Variants in HHAT observed in about 807,000 individuals in gnomAD.
HHAT encodes protein-cysteine N-palmitoyltransferase HHAT.
Under a neutral mutation model 70.8 loss-of-function variants are expected in HHAT, and 47 were observed. The ratio of observed to expected loss-of-function variants is 0.66; its 90% CI spans 0.53 to 0.85. The LOEUF (loss-of-function observed/expected upper bound fraction) is 0.85, where lower values mean the gene tolerates loss of function less well. Ranked by LOEUF, HHAT falls within the 40% of genes least tolerant of loss-of-function variation. HHAT has a pLI of 0.00. For missense variants in HHAT, 609 were observed against 604.8 expected, an observed-to-expected ratio of 1.01 and a Z score of -0.07; for synonymous variants, 228 against 247.6, an observed-to-expected ratio of 0.92 and a Z score of 0.74.
rs527618994 is a variant in HHAT, at chr1:210,644,887, C to T, written c.1390+21217C>T. Among the ~76,000 whole-genome samples the T allele has an allele frequency of 9.9e-4, 151 of 152,096 alleles. 7 individuals carry two copies. The South Asian group carries it at 0.031, about 31-fold the overall frequency. ...ACCTGCAGTAGGTGATGTGGGTCTG[C>T]CTGACAGCCTTTGCCGCTGGTAAGG... On this transcript the variant is annotated intron_variant, in intron 11 of 11. Coordinates refer to ENST00000261458, the MANE Select transcript of HHAT (RefSeq NM_018194.6).
intron 7 of HHAT, among the ~76,000 whole-genome samples, chr1:210,460,873 G>T (rs925486583): frequency 6.6e-6 from 1 of 152,118 alleles, no homozygotes; most frequent in African/African-American, 2.4e-5. Context: ...TTTCTCATAG[G>T]ACATAACTGG....
At position 210,373,910 on chromosome 1, in the gene HHAT, A is replaced by G. The variant is rs539086102; in HGVS notation, c.159+10991A>G. The stretch of plus-strand genomic sequence containing the variant: ...GCCATCACTTAAGGGGGAGTCTCCA[A>G]ATTGTCTAAGCCAGTCTGTGTCTCC... On this transcript the variant is annotated intron_variant, in intron 3 of 11. Coordinates refer to ENST00000261458, the MANE Select transcript of HHAT (RefSeq NM_018194.6). Among the ~76,000 whole-genome samples, 49 of 152,334 alleles carry G rather than the reference A, an allele frequency of 3.2e-4. 1 individual carries two copies. In the South Asian group the frequency reaches 8.3e-3, roughly 26 times the overall value.
At position 210,623,749 on chromosome 1, in the gene HHAT, G is replaced by C. The variant is rs1669329925; in HGVS notation, c.1390+79G>C. 2.1e-6 allele frequency: 3 copies of C among 1,402,132 alleles called. No individual in the cohort carries two copies. In the South Asian group the frequency reaches 3.9e-5, roughly 18 times the overall value. The allele number at this position is 1,402,132 out of a possible 1,614,324, so 86.9% of individuals were successfully genotyped here. On this transcript the variant is annotated intron_variant, in intron 11 of 11. Transcript: ENST00000261458. Reference sequence around the variant, plus strand: ...GGATGGGATCATACATGGGATGGATGGGATTTGGGGGAAGTCATTCATTGT... The same window carrying C: ...GGATGGGATCATACATGGGATGGATCGGATTTGGGGGAAGTCATTCATTGT...
intron 9 of HHAT, among the ~76,000 whole-genome samples, chr1:210,574,482 G>A (rs1369323941): frequency 2.0e-5 from 3 of 152,266 alleles, no homozygotes; most frequent in Non-Finnish European, 4.4e-5. Context: ...TCCACTGCAA[G>A]TGGGACCCCC....
rs530602890 is a variant in HHAT, at chr1:210,532,434, A to G, written c.1043+19246A>G. Among the ~76,000 whole-genome samples the G allele has an allele frequency of 1.6e-4, 24 of 152,196 alleles. No homozygotes were observed. The South Asian group carries it at 3.1e-3, about 20-fold the overall frequency. ...CCAAGATTCCAGTCCTGGCTTTTCC[A>G]TTTATTTCATGGCCTTAGGAAAGTC... On this transcript the variant is annotated intron_variant, in intron 9 of 11. Transcript: ENST00000261458.
intron 11 of HHAT, among the ~76,000 whole-genome samples, chr1:210,655,656 T>C (rs1017712576): frequency 2.0e-5 from 3 of 152,210 alleles, no homozygotes; most frequent in Non-Finnish European, 4.4e-5. Flanking sequence ...AAAACGTCTT[T>C]CTCTGTAACC....
At chr1:210,556,686 T>C (rs1384103647) in intron 9 of HHAT, among the ~76,000 whole-genome samples, 1 of 152,246 alleles carries the variant, frequency 6.6e-6, no homozygotes, top group Non-Finnish European at 1.5e-5. Context: ...GCAGATGTTG[T>C]TGATTAGCTC....
chr1:210,559,050 G>T (rs1319730451), intron 9 of HHAT, among the ~76,000 whole-genome samples: 1 of 152,188 alleles, frequency 6.6e-6, no homozygotes. Context: ...TCAGTTGATA[G>T]AAATTTGCTG....
intron 11 of HHAT, among the ~76,000 whole-genome samples, chr1:210,637,865 A>AAAG (rs375341821): frequency 0.028 from 3,605 of 130,434 alleles, 84 homozygotes; most frequent in Middle Eastern, 0.072. Context: ...TCTCAAAAAA[A>AAAG]AAAAAAGGGG....
chr1:210,433,608 G>A (rs760328288), intron 7 of HHAT, among the ~76,000 whole-genome samples: 3 of 151,818 alleles, frequency 2.0e-5, no homozygotes, highest in East Asian at 1.9e-4. Context: ...TCAGGGCTCC[G>A]TTGCTACTCC....
At chr1:210,565,642 G>A (rs1436572454) in intron 9 of HHAT, among the ~76,000 whole-genome samples, 1 of 152,156 alleles carries the variant, frequency 6.6e-6, no homozygotes, top group Non-Finnish European at 1.5e-5. Flanking sequence ...CAAAGAAGCT[G>A]AGAATCTGTA....
At chr1:210,422,604 A>G (rs1188559103) in intron 7 of HHAT, among the ~76,000 whole-genome samples, 2 of 152,128 alleles carry the variant, frequency 1.3e-5, no homozygotes, top group Non-Finnish European at 2.9e-5. Flanking sequence ...TTATGGTGGC[A>G]TGGTATTCCA....
intron 9 of HHAT, among the ~76,000 whole-genome samples, chr1:210,540,228 C>T (rs1255170527): frequency 1.3e-5 from 2 of 152,138 alleles, no homozygotes; most frequent in African/African-American, 4.8e-5. Flanking sequence ...TCAATTTAGG[C>T]AATAATCCTG....
intron 9 of HHAT, among the ~76,000 whole-genome samples, chr1:210,535,301 T>C (rs1416951135): frequency 6.6e-6 from 1 of 151,818 alleles, no homozygotes; most frequent in African/African-American, 2.4e-5. Flanking sequence ...TTTGTGTAGA[T>C]TGGGTTAGAT....
At chr1:210,654,470 A>G (rs1675961452) in intron 11 of HHAT, among the ~76,000 whole-genome samples, 1 of 152,194 alleles carries the variant, frequency 6.6e-6, no homozygotes, top group Non-Finnish European at 1.5e-5. Flanking sequence ...CACACAGAAA[A>G]GGCATAATAA....
chr1:210,574,096 A>G (rs773699169), intron 9 of HHAT, among the ~76,000 whole-genome samples: 3 of 152,222 alleles, frequency 2.0e-5, no homozygotes, highest in Non-Finnish European at 4.4e-5. Context: ...AGGCCTGGTG[A>G]GGTAGCTCGG....
rs549963543 is a variant in HHAT, at chr1:210,419,176, A to G, written c.856+851A>G. 2.6e-5 allele frequency among the ~76,000 whole-genome samples: 4 copies of G among 152,234 alleles called. No homozygotes were observed. The East Asian group carries it at 7.7e-4, about 29-fold the overall frequency. On this transcript the variant is annotated intron_variant, in intron 7 of 11. Coordinates refer to ENST00000261458, the MANE Select transcript of HHAT (RefSeq NM_018194.6). ...AAATAGGGAGACTTAGCTTTGTGGA[A>G]TAATAGGAGGATATTAGGCAGCGCT... is the stretch of plus-strand genomic sequence containing the variant.
rs139061214 is a variant in HHAT, at chr1:210,444,720, C to A, written c.857-19785C>A. On this transcript the variant is annotated intron_variant, in intron 7 of 11. Transcript: ENST00000261458. Reference sequence around the variant, plus strand: ...ATAGAGACTGGGTGTCACTATTTTGCCCAGGCTGGCCTCAAACTCCTGGAT... The same window carrying A: ...ATAGAGACTGGGTGTCACTATTTTGACCAGGCTGGCCTCAAACTCCTGGAT... Among the ~76,000 whole-genome samples, 1,036 of 152,286 alleles carry A rather than the reference C, an allele frequency of 6.8e-3. 12 individuals carry two copies. Among genetic ancestry groups the A allele is most frequent in the African/African-American group, 0.024 (986 of 41,566 alleles).
intron 7 of HHAT, among the ~76,000 whole-genome samples, chr1:210,426,843 C>T (rs1419376953): frequency 1.3e-5 from 2 of 152,150 alleles, no homozygotes; most frequent in African/African-American, 4.8e-5. Context: ...CAGGATGATG[C>T]TGGCCTCATA....
Sources: allele counts gnomAD v4.1 joint callset (sites outside exome capture counted in the v4.1 genomes callset), GRCh38; gene constraint gnomAD v4.1.1; transcripts MANE v1.5; gene names NCBI Gene and HGNC (gene_info 2026-07-23, HGNC 2026-07-21).